ZBTB46: variants seen among roughly 807,000 people sequenced by gnomAD.
ZBTB46 encodes zinc finger and BTB domain-containing protein 46.
ZBTB46 carries 8 observed loss-of-function variants against 44.1 expected under a neutral mutation model. That is an observed-to-expected ratio of 0.18 (90% CI 0.11 to 0.33). The LOEUF is 0.33. Ranked by LOEUF, ZBTB46 falls within the 10% of genes least tolerant of loss-of-function variation. The pLI, the probability that ZBTB46 is intolerant of heterozygous loss-of-function variation, is 1.00. For synonymous variants in ZBTB46, 409 were observed against 382.3 expected, an observed-to-expected ratio of 1.07 and a Z score of -0.81; for missense variants, 651 against 847.7, an observed-to-expected ratio of 0.77 and a Z score of 2.88.
chr20:63,804,818 G>A (rs575228780), intron 1 of ZBTB46, among the ~76,000 whole-genome samples: 1 of 151,838 alleles, frequency 6.6e-6, no homozygotes, highest in Non-Finnish European at 1.5e-5. Context: ...CTATAACCTG[G>A]GAGGCGGAGG....
rs1049375019 is a variant in ZBTB46 at position 63,803,569 on chromosome 20, C to G, written c.-33-12779G>C. ...TGCCGGCCCCGGGCTGCCCAGGCCC[C>G]GGGCTGCCCAGGTCTCTGTCGGAGG... is the stretch of plus-strand genomic sequence containing the variant. On this transcript the variant is annotated intron_variant, in intron 1 of 4. Coordinates refer to ENST00000245663, the MANE Select transcript of ZBTB46 (RefSeq NM_001369741.1). This position sits in a 1 kb window ranked among gnomAD's most constrained non-coding sequence, Gnocchi z 4.0. The G allele has an allele frequency of 4.1e-3, 3,971 of 976,804 alleles. 11 individuals carry two copies. Among genetic ancestry groups the G allele is most frequent in the Middle Eastern group, 9.5e-3 (18 of 1,896 alleles). 60.5% of individuals were successfully genotyped at this position (976,804 alleles called of 1,614,324 possible).
At chr20:63,762,790 G>A (rs576296677) in intron 3 of ZBTB46, among the ~76,000 whole-genome samples, 31 of 152,226 alleles carry the variant, frequency 2.0e-4, no homozygotes, top group African/African-American at 7.2e-4. Context: ...ACTTCTCAAA[G>A]TTTACTTTGA....
Position 63,819,182 on chromosome 20 carries a change from G to A in ZBTB46, c.-34+11915C>T, listed in dbSNP as rs551752488. ...AGTGAGACTCTGTCTGAGAAGAGAA[G>A]AGCATCACTGAGACACCAACTCATG... is the stretch of plus-strand genomic sequence containing the variant. On this transcript the variant is annotated intron_variant, in intron 1 of 4. Transcript: ENST00000245663. Among the ~76,000 whole-genome samples the A allele has an allele frequency of 2.0e-5, 3 of 152,246 alleles. No homozygotes were observed. In the South Asian group the frequency reaches 6.2e-4, roughly 32 times the overall value.
rs570139150 is a variant in ZBTB46 at position 63,795,758 on chromosome 20, C to T, written c.-33-4968G>A. ...AGCAGAATGACCACCGGCAAACAGG[C>T]TCCGCCAAACGTGGCTTCTATCCTC... is the stretch of plus-strand genomic sequence containing the variant. On this transcript the variant is annotated intron_variant, in intron 1 of 4. Transcript: ENST00000245663. Among the ~76,000 whole-genome samples the T allele has an allele frequency of 2.0e-5, 3 of 152,344 alleles. No individual in the cohort carries two copies. In the South Asian group the frequency reaches 6.2e-4, roughly 32 times the overall value.
chr20:63,787,434 G>A lies in ZBTB46; in HGVS notation c.937+2387C>T, dbSNP rs2092525099. Among the ~76,000 whole-genome samples, 1 of 152,240 alleles carries A rather than the reference G, an allele frequency of 6.6e-6. No homozygotes were observed. Among genetic ancestry groups the A allele is most frequent in the South Asian group, 2.1e-4 (1 of 4,834 alleles). On this transcript the variant is annotated intron_variant, in intron 2 of 4. Transcript: ENST00000245663. This position sits in a 1 kb window ranked among gnomAD's most constrained non-coding sequence, Gnocchi z 4.6. ...AGCACTCGCTCACCCAGGGCAACCT[G>A]CAGTGCAGCAAGCTCTGTGCATGGC...
chr20:63,804,093 C>A (rs2092666546), intron 1 of ZBTB46, among the ~76,000 whole-genome samples: 1 of 152,096 alleles, frequency 6.6e-6, no homozygotes, highest in Non-Finnish European at 1.5e-5. Flanking sequence ...CCCATCTCAG[C>A]CCCAGCCACC....
intron 3 of ZBTB46, among the ~76,000 whole-genome samples, chr20:63,772,904 G>A (rs942505845): frequency 4.6e-5 from 7 of 152,176 alleles, no homozygotes; most frequent in Non-Finnish European, 1.0e-4. Context: ...CAGGCTCCGC[G>A]GCCACTCCCT....
At chr20:63,776,102 C>A in intron 2 of ZBTB46, 140 bp from the exon 3 acceptor site, 1 of 1,102,374 alleles carries the variant, frequency 9.1e-7, no homozygotes, top group East Asian at 2.8e-5. Context: ...ACCCTGGGAG[C>A]CGGGCACCTG....
At position 63,823,604 on chromosome 20, in the gene ZBTB46, G is replaced by A. The variant is rs574564435; in HGVS notation, c.-34+7493C>T. On this transcript the variant is annotated intron_variant, in intron 1 of 4. Transcript: ENST00000245663. The stretch of plus-strand genomic sequence containing the variant: ...TAGTCCCAGGTACTCAGGAGGCAGA[G>A]GTGGGAGGATCACCTTAGCCCAGGT... 1.6e-3 allele frequency among the ~76,000 whole-genome samples: 237 copies of A among 152,054 alleles called. 1 individual carries two copies. In the Middle Eastern group the frequency reaches 0.017, roughly 11 times the overall value.
intron 1 of ZBTB46, among the ~76,000 whole-genome samples, chr20:63,818,386 C>T (rs566989733): frequency 2.0e-5 from 3 of 152,310 alleles, no homozygotes; most frequent in East Asian, 1.9e-4. Flanking sequence ...CCTGGGTCTT[C>T]GTGAGGAGGA....
chr20:63,833,207 C>G (rs576710691), upstream of ZBTB46, among the ~76,000 whole-genome samples: 1 of 152,300 alleles, frequency 6.6e-6, no homozygotes, highest in East Asian at 1.9e-4. Flanking sequence ...TCAGTCATCG[C>G]TTAGGAGGCC....
chr20:63,820,385 C>T (rs1178039458), intron 1 of ZBTB46, among the ~76,000 whole-genome samples: 3 of 152,034 alleles, frequency 2.0e-5, no homozygotes, highest in Non-Finnish European at 4.4e-5. Flanking sequence ...AGGCATGAGA[C>T]ACCGCGCCTG....
At chr20:63,751,072 A>C (rs1456763466) in intron 4 of ZBTB46, among the ~76,000 whole-genome samples, 1 of 152,214 alleles carries the variant, frequency 6.6e-6, no homozygotes, top group Non-Finnish European at 1.5e-5. Flanking sequence ...CAGTTTAAAA[A>C]ACAAGATGCG....
intron 3 of ZBTB46, among the ~76,000 whole-genome samples, chr20:63,756,737 CA>C (rs1379184293): frequency 3.9e-5 from 6 of 152,382 alleles, no homozygotes; most frequent in African/African-American, 1.4e-4. Flanking sequence ...CCTCAATCAC[CA>C]CACGTTTTAT....
At chr20:63,748,387 G>A (rs1250606091) in intron 4 of ZBTB46, among the ~76,000 whole-genome samples, 2 of 152,226 alleles carry the variant, frequency 1.3e-5, no homozygotes, top group Non-Finnish European at 2.9e-5. Flanking sequence ...GGCCCCAGGT[G>A]GGCTTCCGCT....
chr20:63,818,561 G>A (rs2092773100), intron 1 of ZBTB46, among the ~76,000 whole-genome samples: 3 of 152,256 alleles, frequency 2.0e-5, no homozygotes, highest in Admixed American at 2.0e-4. Context: ...AGCATGTCAA[G>A]AAAAGCATCA....
chr20:63,779,401 G>A (rs12481588), intron 2 of ZBTB46, among the ~76,000 whole-genome samples: 75,978 of 136,988 alleles, frequency 0.55, 21,344 homozygotes, highest in South Asian at 0.63. Context: ...CCACCACGCC[G>A]GCTAATTTTT....
chr20:63,748,484 C>T (rs897732494), intron 4 of ZBTB46, among the ~76,000 whole-genome samples: 12 of 152,322 alleles, frequency 7.9e-5, no homozygotes, highest in Admixed American at 1.3e-4. Context: ...TACCCACTCA[C>T]GGGCACCCTC....
chr20:63,828,396 AT>A (rs990575583), intron 1 of ZBTB46, among the ~76,000 whole-genome samples: 49 of 152,246 alleles, frequency 3.2e-4, no homozygotes, highest in African/African-American at 1.0e-3. Context: ...CTTAATAGAG[AT>A]TTTGAATCAA....
Sources: gnomAD v4.1 joint callset for allele counts (sites outside exome capture counted in the v4.1 genomes callset) on GRCh38, gnomAD v4.1.1 for gene constraint, Gnocchi (gnomAD v3.1) non-coding constraint, MANE v1.5 for transcripts, NCBI Gene and HGNC (gene_info 2026-07-23, HGNC 2026-07-21) for gene names.